The following LRBA variants were observed in gnomAD, a reference collection of about 807,000 sequenced individuals.
LRBA encodes the protein LPS responsive beige-like anchor protein.
In LRBA, 176 loss-of-function variants were observed where a neutral mutation model predicts 330.0. The ratio of observed to expected loss-of-function variants is 0.53; its 90% CI spans 0.47 to 0.60. The LOEUF is 0.60. Among genes scored for constraint, LRBA ranks in the 20% least tolerant of loss-of-function variants. The probability of loss-of-function intolerance (pLI) is 0.00; values close to 1 mark genes in which losing one functional copy is unlikely to be tolerated. For synonymous variants in LRBA, 1,230 were observed against 1,193.0 expected (o/e 1.03, Z -0.64); for missense variants, 3,259 against 3,444.8 (o/e 0.95, Z 1.35).
intron 44 of LRBA, among the ~76,000 whole-genome samples, chr4:150,451,794 C>T (rs1753377675): frequency 6.6e-6 from 1 of 151,874 alleles, no homozygotes; most frequent in South Asian, 2.1e-4. Context: ...GAAGTAAATG[C>T]CAGTATCAAG....
chr4:150,781,774 T>C (rs1477846915), intron 34 of LRBA, among the ~76,000 whole-genome samples: 1 of 152,180 alleles, frequency 6.6e-6, no homozygotes, highest in Non-Finnish European at 1.5e-5. Context: ...TTGCACCTTT[T>C]TTTCTGAGTC....
intron 44 of LRBA, among the ~76,000 whole-genome samples, chr4:150,456,379 A>G (rs1754068522): frequency 6.6e-6 from 1 of 152,130 alleles, no homozygotes; most frequent in African/African-American, 2.4e-5. Context: ...TTGGAGTGAG[A>G]TGATAGCTCA....
intron 31 of LRBA, among the ~76,000 whole-genome samples, chr4:150,814,789 T>C (rs902573851): frequency 6.6e-6 from 1 of 151,990 alleles, no homozygotes; most frequent in Non-Finnish European, 1.5e-5. Flanking sequence ...ATCAATGGTA[T>C]AGGGTTTTGT....
chr4:150,398,353 G>A (rs758490449), intron 47 of LRBA, among the ~76,000 whole-genome samples: 12 of 152,082 alleles, frequency 7.9e-5, no homozygotes, highest in South Asian at 6.2e-4. Context: ...TAGATTTCAC[G>A]AGCTCATAAA....
chr4:150,891,184 TAC>T (rs1729423761), intron 17 of LRBA, among the ~76,000 whole-genome samples: 5 of 152,204 alleles, frequency 3.3e-5, no homozygotes, highest in Admixed American at 3.3e-4. Context: ...ACCTATCCAT[TAC>T]ATTCCTAAGT....
At position 150,764,819 on chromosome 4, in the gene LRBA, G is replaced by A. The variant is rs72738358; in HGVS notation, c.5581-2972C>T. On this transcript the variant is annotated intron_variant, in intron 34 of 56. Transcript: ENST00000651943. ...AAATGAAATCTCAGTCATTGCTGGT[G>A]GGAATGCAAAATGATACAGTCTCAC... 1.6e-3 allele frequency among the ~76,000 whole-genome samples: 242 copies of A among 152,146 alleles called. 1 individual carries two copies. Among genetic ancestry groups the A allele is most frequent in the Admixed American group, 3.5e-3 (54 of 15,280 alleles).
chr4:150,264,598 A>AGTGT lies in LRBA; in HGVS notation c.*1120_*1123dup, dbSNP rs945661660. On this transcript the variant is annotated 3_prime_UTR_variant, in exon 57 of 57. Transcript: ENST00000651943. Reference sequence around the variant, plus strand: ...AATCCTTGCTTTTAGAGAAGAGCTGAGTGTGTAGGAAAAAAAGAGGGACCA... The same window carrying AGTGT: ...AATCCTTGCTTTTAGAGAAGAGCTGAGTGTGTGTGTAGGAAAAAAAGAGGGACCA... 6.6e-6 allele frequency: 1 copy of AGTGT among 152,458 alleles called. No individual in the cohort carries two copies. The highest frequency in any genetic ancestry group is 2.4e-5 in the African/African-American group (1 of 41,434). 9.4% of individuals were successfully genotyped at this position (152,458 alleles called of 1,614,324 possible).
chr4:150,703,866 AG>A (rs1343019533), intron 36 of LRBA, among the ~76,000 whole-genome samples: 7 of 151,948 alleles, frequency 4.6e-5, no homozygotes, highest in African/African-American at 1.7e-4. Context: ...AAAAAAAAAA[AG>A]AACTATTAAC....
intron 34 of LRBA, among the ~76,000 whole-genome samples, chr4:150,776,233 C>T (rs1002666802): frequency 2.6e-5 from 4 of 151,992 alleles, no homozygotes; most frequent in African/African-American, 9.7e-5. Flanking sequence ...AGGAGAATCC[C>T]TTGAACCCAG....
intron 52 of LRBA, among the ~76,000 whole-genome samples, chr4:150,305,247 G>A (rs1480817685): frequency 1.3e-5 from 2 of 152,264 alleles, no homozygotes; most frequent in East Asian, 3.9e-4. Flanking sequence ...TAGCTGTAAA[G>A]GTGGGATGGA....
intron 40 of LRBA, among the ~76,000 whole-genome samples, chr4:150,566,145 C>T (rs80124237): frequency 6.6e-6 from 1 of 151,840 alleles, no homozygotes; most frequent in East Asian, 1.9e-4. Context: ...AGAAAGATTG[C>T]TTCAACCCTG....
At chr4:150,738,983 AT>A (rs943638322) in intron 35 of LRBA, among the ~76,000 whole-genome samples, 1 of 152,134 alleles carries the variant, frequency 6.6e-6, no homozygotes, top group Non-Finnish European at 1.5e-5. Context: ...TGTCAAATCA[AT>A]TTTTTAAGGC....
At chr4:150,780,547 T>C (rs1251508054) in intron 34 of LRBA, among the ~76,000 whole-genome samples, 2 of 78,522 alleles carry the variant, frequency 2.5e-5, no homozygotes, top group African/African-American at 4.3e-5. Context: ...CCAGAACGAC[T>C]CAGTAACTCT....
chr4:150,385,690 A>G (rs1292278994), intron 47 of LRBA, among the ~76,000 whole-genome samples: 1 of 152,154 alleles, frequency 6.6e-6, no homozygotes, highest in Non-Finnish European at 1.5e-5. Context: ...GAAAGCTACT[A>G]CTGATAACTG....
chr4:150,542,370 A>C (rs1024165783), intron 40 of LRBA, among the ~76,000 whole-genome samples: 1 of 152,256 alleles, frequency 6.6e-6, no homozygotes, highest in African/African-American at 2.4e-5. Flanking sequence ...TAAATGAGTT[A>C]ATGTATATAA....
rs1388612272 is a variant in LRBA at position 150,849,423 on chromosome 4, G to A, written c.4157C>T (p.Thr1386Ile). ...TTTCTATAGTAATTAAGTCCTTACT[G>A]TAGCCGATGTAGCAGCTGAAAGCAA... ...LPLLSAATSA[T>I]HELENIEPTQ... The change falls in exon 25 of 57, where the codon ACA (threonine) becomes ATA (isoleucine). Residue 1386 changes from threonine (T) to isoleucine (I), a missense_variant and splice_region_variant. Transcript: ENST00000651943. The A allele has an allele frequency of 1.2e-6, 2 of 1,613,396 alleles. No individual in the cohort carries two copies. Among genetic ancestry groups the A allele is most frequent in the African/African-American group, 1.3e-5 (1 of 75,004 alleles).
intron 52 of LRBA, among the ~76,000 whole-genome samples, chr4:150,306,147 G>A (rs530297777): frequency 1.3e-5 from 2 of 152,232 alleles, no homozygotes; most frequent in South Asian, 2.1e-4. Flanking sequence ...AAATAATTCC[G>A]ACTGCCAGGG....
intron 26 of LRBA, among the ~76,000 whole-genome samples, chr4:150,848,562 G>GA (rs9331496): frequency 0.015 from 1,745 of 120,010 alleles, 40 homozygotes; most frequent in African/African-American, 0.05. Context: ...GGAGAAAAAA[G>GA]AAAAAAAAAA....
At chr4:150,609,033 T>C (rs569105063) in intron 37 of LRBA, among the ~76,000 whole-genome samples, 10 of 152,378 alleles carry the variant, frequency 6.6e-5, no homozygotes, top group African/African-American at 2.2e-4. Context: ...GTTTCCATTT[T>C]GTGGGGATCT....
Sources: allele counts gnomAD v4.1 joint callset (sites outside exome capture counted in the v4.1 genomes callset), GRCh38; gene constraint gnomAD v4.1.1; transcripts MANE v1.5; gene names NCBI Gene and HGNC (gene_info 2026-07-23, HGNC 2026-07-21).